The following KDM6A variants were observed in gnomAD, a reference collection of about 807,000 sequenced individuals.
The protein encoded by KDM6A is lysine-specific demethylase 6A.
KDM6A carries 11 observed loss-of-function variants against 117.6 expected under a neutral mutation model. The ratio of observed to expected loss-of-function variants is 0.09; its 90% CI spans 0.06 to 0.15. KDM6A has a LOEUF of 0.15. KDM6A is among the 10% of genes least tolerant of loss of function. The pLI is 1.00. For synonymous variants in KDM6A, 384 were observed against 396.1 expected, an observed-to-expected ratio of 0.97 and a Z score of 0.36; for missense variants, 799 against 1,077.3, an observed-to-expected ratio of 0.74 and a Z score of 3.62.
chrX:45,006,856 C>T (rs777805449), intron 4 of KDM6A, among the ~76,000 whole-genome samples: 4 of 108,467 alleles, frequency 3.7e-5, no homozygotes, highest in East Asian at 5.9e-4. Context: ...GCTTGAACCC[C>T]GGAGGTGGAG....
intron 6 of KDM6A, among the ~76,000 whole-genome samples, chrX:45,032,117 T>G (rs2042625241): frequency 9.0e-6 from 1 of 111,646 alleles, no homozygotes; most frequent in Non-Finnish European, 1.9e-5. Flanking sequence ...TTGTATATAG[T>G]CTTTGAACTG....
At chrX:45,076,868 A>G in intron 19 of KDM6A, 42 bp downstream of exon 19, 1 of 1,112,541 alleles carries the variant, frequency 9.0e-7, no homozygotes, top group Middle Eastern at 3.4e-4. Context: ...CAGTGTTTGC[A>G]ACTACCTGTC....
At chrX:44,922,732 G>T (rs2036042419) in intron 2 of KDM6A, among the ~76,000 whole-genome samples, 1 of 112,870 alleles carries the variant, frequency 8.9e-6, no homozygotes, top group African/African-American at 3.2e-5. Context: ...GCCTCCCAAA[G>T]TGCTGGGATT....
chrX:45,102,589 T>C (rs1026900692), intron 27 of KDM6A, among the ~76,000 whole-genome samples: 4 of 111,647 alleles, frequency 3.6e-5, no homozygotes, highest in African/African-American at 1.3e-4. Context: ...GACCAGTCCA[T>C]AGTTAGCATT....
At chrX:45,096,550 G>A (rs1242936882) in intron 27 of KDM6A, among the ~76,000 whole-genome samples, 1 of 112,188 alleles carries the variant, frequency 8.9e-6, no homozygotes, top group Admixed American at 9.5e-5. Flanking sequence ...GGAAGGTTCA[G>A]TAAAGGCTTC....
intron 2 of KDM6A, among the ~76,000 whole-genome samples, chrX:44,932,084 C>CTTTTT (rs796121677): frequency 0.026 from 452 of 17,093 alleles, 98 homozygotes; most frequent in African/African-American, 0.067. Flanking sequence ...TCTAGGTAGC[C>CTTTTT]TTTTTTTTTT....
intron 4 of KDM6A, among the ~76,000 whole-genome samples, chrX:44,988,685 G>C (rs1434241915): frequency 2.7e-5 from 3 of 111,409 alleles, no homozygotes; most frequent in African/African-American, 6.5e-5. Context: ...TCCAGACCCT[G>C]TTTGCCTGGG....
chrX:45,090,646 C>G (rs944962401), intron 26 of KDM6A, 77 bp from the exon 27 acceptor site: 2 of 1,065,632 alleles, frequency 1.9e-6, no homozygotes, highest in Middle Eastern at 5.4e-4. Context: ...GAAGATATCA[C>G]CTGAGCAGGT....
chrX:44,963,475 GTGTGTGTGTGTCTGTCTGTCTGTCTC>G (rs1421437088), intron 3 of KDM6A, among the ~76,000 whole-genome samples: 16 of 24,841 alleles, frequency 6.4e-4, no homozygotes, highest in African/African-American at 1.7e-3. Context: ...GTGTGTGTGT[GTGTGTGTGTGTCTGTCTGTCTGTCTC>G]TGTCTGTCTG....
At chrX:45,009,928 C>T (rs1416279697) in intron 4 of KDM6A, among the ~76,000 whole-genome samples, 1 of 111,871 alleles carries the variant, frequency 8.9e-6, no homozygotes, top group Non-Finnish European at 1.9e-5. Context: ...ACCTTTATCT[C>T]ACAGTCTTTC....
chrX:44,874,228 T>C (rs2031226929), intron 2 of KDM6A, among the ~76,000 whole-genome samples: 1 of 111,793 alleles, frequency 8.9e-6, no homozygotes, highest in Non-Finnish European at 1.9e-5. Flanking sequence ...GGGGCCGGGC[T>C]CAACTGGGTC....
At chrX:45,047,624 TATG>T (rs202166637) in intron 8 of KDM6A, among the ~76,000 whole-genome samples, 3,829 of 105,651 alleles carry the variant, frequency 0.036, 81 homozygotes, top group Middle Eastern at 0.068. Context: ...TCATTAGGAT[TATG>T]TTTTTCTTTT....
intron 4 of KDM6A, among the ~76,000 whole-genome samples, chrX:45,000,386 G>T (rs567835787): frequency 2.0e-4 from 22 of 111,892 alleles, no homozygotes; most frequent in Non-Finnish European, 2.6e-4. Flanking sequence ...CCCATAAGGG[G>T]CTTCTCTCAC....
chrX:44,885,274 G>T (rs1406205037), intron 2 of KDM6A, among the ~76,000 whole-genome samples: 2 of 108,251 alleles, frequency 1.8e-5, no homozygotes, highest in Non-Finnish European at 3.8e-5. Context: ...TGATCTTCTG[G>T]CCTTGGCCTC....
intron 27 of KDM6A, among the ~76,000 whole-genome samples, chrX:45,097,950 C>G (rs1465704545): frequency 1.8e-5 from 2 of 112,161 alleles, no homozygotes; most frequent in Non-Finnish European, 3.8e-5. Context: ...TTACTTCTTT[C>G]ATTTGATAAT....
At position 45,073,750 on chromosome X, in the gene KDM6A, T is replaced by G. The variant is rs2044977534; in HGVS notation, c.2859-2947T>G. ...TTTTTTTCTTGTAAATTTGTTTAAG[T>G]TCTTTGTAGATTCTGGATATTAGCC... is the stretch of plus-strand genomic sequence containing the variant. On this transcript the variant is annotated intron_variant, in intron 18 of 29. Transcript: ENST00000611820. Among the ~76,000 whole-genome samples, 3 of 112,182 alleles carry G rather than the reference T, an allele frequency of 2.7e-5. No homozygotes were observed. The Admixed American group carries it at 2.8e-4, about 11-fold the overall frequency.
intron 2 of KDM6A, among the ~76,000 whole-genome samples, chrX:44,877,023 A>G (rs866012779): frequency 2.7e-5 from 3 of 112,428 alleles, no homozygotes; most frequent in South Asian, 3.6e-4. Context: ...ACGTGTATAC[A>G]TATATACATG....
chrX:45,050,928 A>C (rs1158123141), intron 8 of KDM6A, among the ~76,000 whole-genome samples: 1 of 111,692 alleles, frequency 9.0e-6, no homozygotes, highest in Non-Finnish European at 1.9e-5. Context: ...TTTTATATAT[A>C]CTAGAAACTG....
chrX:44,903,206 G>A (rs1308656403), intron 2 of KDM6A, among the ~76,000 whole-genome samples: 2 of 111,992 alleles, frequency 1.8e-5, no homozygotes, highest in South Asian at 7.4e-4. Flanking sequence ...ATATAGTAAT[G>A]TCTTAATTTC....
Sources: gnomAD v4.1 joint callset for allele counts (sites outside exome capture counted in the v4.1 genomes callset) on GRCh38, gnomAD v4.1.1 for gene constraint, MANE v1.5 for transcripts, NCBI Gene and HGNC (gene_info 2026-07-23, HGNC 2026-07-21) for gene names.